Variants in YWHAZ observed in about 807,000 individuals in gnomAD.
The protein encoded by YWHAZ is tyrosine 3-monooxygenase/tryptophan 5-monooxygenase activation protein zeta.
For synonymous variants in YWHAZ, 87 were observed against 103.6 expected (o/e 0.84, Z 0.97); for missense variants, 79 against 284.8 (o/e 0.28, Z 5.20).
chr8:100,952,781 C>A (rs1199901799), upstream of YWHAZ: 3 of 999,472 alleles, frequency 3.0e-6, no homozygotes, highest in African/African-American at 5.2e-5. Context: ...CCCGCCGCTC[C>A]CCTTCCCCGG....
At chr8:100,947,202 C>T (rs572177522) in intron 2 of YWHAZ, among the ~76,000 whole-genome samples, 3 of 147,726 alleles carry the variant, frequency 2.0e-5, no homozygotes, top group South Asian at 4.2e-4. Flanking sequence ...TGCAGTGAGC[C>T]GAGATCGCGC....
Position 100,951,824 on chromosome 8 carries a change from C to G in YWHAZ, c.-12+105G>C, listed in dbSNP as rs903156144. ...CTCCGCCTCAGCCCGGCGCCGCCAC[C>G]GCGGGGCGAGTGGGGATGAGGGGAC... On this transcript the variant is annotated intron_variant, in intron 1 of 5. Transcript: ENST00000395958. The G allele has an allele frequency of 4.4e-5, 43 of 985,494 alleles. No homozygotes were observed. The South Asian group carries it at 6.5e-4, about 15-fold the overall frequency. The allele number at this position is 985,494 out of a possible 1,614,324, so 61.0% of individuals were successfully genotyped here. A position where few individuals can be genotyped will look rare whatever the true frequency, so the allele number is the denominator to read the frequency against.
rs1813111854 is a variant in YWHAZ, at chr8:100,922,682, C to A, written c.678+1273G>T. The A allele has an allele frequency of 6.6e-6, 1 of 152,276 alleles. No individual in the cohort carries two copies. The highest frequency in any genetic ancestry group is 1.5e-5 in the Non-Finnish European group (1 of 68,128). 9.4% of individuals were successfully genotyped at this position (152,276 alleles called of 1,614,324 possible). A position where few individuals can be genotyped will look rare whatever the true frequency, so the allele number is the denominator to read the frequency against. ...TACAGGCGTGAGCCACCACGCCCGG[C>A]CAACCCTGGTTTTCTTATTGCAATA... On this transcript the variant is annotated intron_variant, in intron 5 of 5. Coordinates refer to ENST00000395958, the MANE Select transcript of YWHAZ (RefSeq NM_145690.3). This position sits in a 1 kb window ranked among gnomAD's most constrained non-coding sequence, Gnocchi z 4.1.
Position 100,924,104 on chromosome 8 carries a change from T to C in YWHAZ, c.582+31A>G. 6.2e-7 allele frequency: 1 copy of C among 1,608,394 alleles called. No individual in the cohort carries two copies. Among genetic ancestry groups the C allele is most frequent in the Non-Finnish European group, 8.5e-7 (1 of 1,177,960 alleles). ...TCAGTGCTCAAATAATAAAGACTGC[T>C]AAATTTCTACGTAACAGGTAAAATA... On this transcript the variant is annotated intron_variant, in intron 4 of 5. Coordinates refer to ENST00000395958, the MANE Select transcript of YWHAZ (RefSeq NM_145690.3). The surrounding 1 kb of genome is among the most constrained non-coding windows in gnomAD (Gnocchi z 5.7).
chr8:100,941,327 A>C (rs576256201), intron 2 of YWHAZ, among the ~76,000 whole-genome samples: 2 of 152,354 alleles, frequency 1.3e-5, no homozygotes, highest in East Asian at 3.9e-4. Flanking sequence ...CTGAGTGTTC[A>C]TAAGTCTTGG....
chr8:100,946,151 T>A lies in YWHAZ; in HGVS notation c.294+2445A>T, dbSNP rs767020505. On this transcript the variant is annotated intron_variant, in intron 2 of 5. Coordinates refer to ENST00000395958, the MANE Select transcript of YWHAZ (RefSeq NM_145690.3). ...TAATAATCATAACAAGAAGAAACTA[T>A]TTATATGAAGAGATTATCTTGTTAT... 3.3e-5 allele frequency among the ~76,000 whole-genome samples: 5 copies of A among 152,290 alleles called. 1 individual carries two copies. In the South Asian group the frequency reaches 8.3e-4, roughly 25 times the overall value.
At chr8:100,934,405 G>A (rs1291434853) in intron 2 of YWHAZ, among the ~76,000 whole-genome samples, 1 of 150,866 alleles carries the variant, frequency 6.6e-6, no homozygotes, top group Non-Finnish European at 1.5e-5. Flanking sequence ...CAGACATTAA[G>A]AGTGAGGAGG....
intron 2 of YWHAZ, among the ~76,000 whole-genome samples, chr8:100,945,020 G>A (rs548627079): frequency 6.6e-6 from 1 of 152,204 alleles, no homozygotes; most frequent in East Asian, 1.9e-4. Context: ...CCAATTTTTG[G>A]CTGCCATCTT....
At chr8:100,940,741 G>A (rs1463260679) in intron 2 of YWHAZ, among the ~76,000 whole-genome samples, 1 of 152,208 alleles carries the variant, frequency 6.6e-6, no homozygotes. Context: ...GAGGTAGATA[G>A]TATTATTCCC....
chr8:100,920,891 GAT>G (rs1259050913), intron 5 of YWHAZ, 139 bp from the exon 6 acceptor site: 1 of 747,002 alleles, frequency 1.3e-6, no homozygotes, highest in East Asian at 2.6e-5. Context: ...TTAGCTTCAA[GAT>G]ACAAAAACAT....
chr8:100,933,930 G>T (rs1054847508), intron 2 of YWHAZ, among the ~76,000 whole-genome samples: 1 of 151,966 alleles, frequency 6.6e-6, no homozygotes, highest in Non-Finnish European at 1.5e-5. Flanking sequence ...GCCGAGGTGG[G>T]TGGATCACTT....
intron 2 of YWHAZ, among the ~76,000 whole-genome samples, chr8:100,943,573 C>T (rs1399700558): frequency 6.6e-6 from 1 of 152,182 alleles, no homozygotes; most frequent in Non-Finnish European, 1.5e-5. Context: ...TACACCTTTC[C>T]ATTCCCTTTC....
At chr8:100,931,795 T>C (rs1272944794) in intron 2 of YWHAZ, among the ~76,000 whole-genome samples, 1 of 152,142 alleles carries the variant, frequency 6.6e-6, no homozygotes, top group Non-Finnish European at 1.5e-5. Context: ...GCTTTAGTGC[T>C]CTTGTACTCT....
At chr8:100,951,472 CCCGCCG>C (rs558796339) in intron 1 of YWHAZ, 71 of 980,026 alleles carry the variant, frequency 7.2e-5, no homozygotes, top group Middle Eastern at 5.2e-4. Context: ...CACTGCGATG[CCCGCCG>C]CCGCCGCCGC....
In YWHAZ at chr8:100,918,408, T is replaced by TTATTTATATATATATATATATA; in HGVS notation, c.*2284_*2285insTATATATATATATATATAAATA. ...AGTCTAGCTATAAAATATAATTACT[T>TTATTTATATATATATATATATA]TATATATATATATATATATATATAT... On this transcript the variant is annotated 3_prime_UTR_variant, in exon 6 of 6. Transcript: ENST00000395958. The TTATTTATATATATATATATATA allele has an allele frequency of 2.4e-5, 1 of 41,888 alleles. No individual in the cohort carries two copies. Among genetic ancestry groups the TTATTTATATATATATATATATA allele is most frequent in the South Asian group, 1.3e-3 (1 of 796 alleles). The allele number at this position is 41,888 out of a possible 1,614,324, so 2.6% of individuals were successfully genotyped here.
At position 100,948,149 on chromosome 8, in the gene YWHAZ, A is replaced by G; in HGVS notation, c.294+447T>C. 1 of 1,533,880 alleles carries G rather than the reference A, an allele frequency of 6.5e-7. No homozygotes were observed. The highest frequency in any genetic ancestry group is 8.7e-7 in the Non-Finnish European group (1 of 1,146,332). On this transcript the variant is annotated intron_variant, in intron 2 of 5. Transcript: ENST00000395958. The surrounding 1 kb of genome is among the most constrained non-coding windows in gnomAD (Gnocchi z 4.2). ...GTTTTCTGCATGGTTGACTCATTAC[A>G]TTAACATTATAGCGGCTAATCCTGA...
Position 100,948,661 on chromosome 8 carries a change from G to C in YWHAZ, c.229C>G (p.Gln77Glu). 1 of 1,608,452 alleles carries C rather than the reference G, an allele frequency of 6.2e-7. No individual in the cohort carries two copies. Among genetic ancestry groups the C allele is most frequent in the Non-Finnish European group, 8.5e-7 (1 of 1,179,840 alleles). Residue 77 changes from glutamine (Q) to glutamate (E), a missense_variant, in exon 2 of 6, where the codon CAG becomes GAG. Physicochemically the swap from Gln to Glu is conservative, Grantham distance 29 (BLOSUM62 2). Coordinates refer to ENST00000395958, the MANE Select transcript of YWHAZ (RefSeq NM_145690.3). This position sits in a 1 kb window ranked among gnomAD's most constrained non-coding sequence, Gnocchi z 4.2. ...TTCTCTCTGTATTCTCGAGCCATCT[G>C]CTGTTTTTTCTCAGCACCTTCCGTC... Reference protein sequence around the residue: ...QKTEGAEKKQQMAREYREKIE... With the variant: ...QKTEGAEKKQEMAREYREKIE...
chr8:100,948,134 T>A lies in YWHAZ; in HGVS notation c.294+462A>T, dbSNP rs1453291872. 1 of 1,534,644 alleles carries A rather than the reference T, an allele frequency of 6.5e-7. No homozygotes were observed. The highest frequency in any genetic ancestry group is 2.0e-5 in the Admixed American group (1 of 50,604). ...AGTTGTGACGCCAGAGTTTTCTGCA[T>A]GGTTGACTCATTACATTAACATTAT... On this transcript the variant is annotated intron_variant, in intron 2 of 5. Transcript: ENST00000395958. The surrounding 1 kb of genome is among the most constrained non-coding windows in gnomAD (Gnocchi z 4.2).
At chr8:100,950,252 C>G (rs1044170124) in intron 1 of YWHAZ, among the ~76,000 whole-genome samples, 1 of 152,266 alleles carries the variant, frequency 6.6e-6, no homozygotes, top group East Asian at 1.9e-4. Flanking sequence ...ATTTCTGCTT[C>G]TAACAAAAAA....
Sources: gnomAD v4.1 joint callset for allele counts (sites outside exome capture counted in the v4.1 genomes callset) on GRCh38, gnomAD v4.1.1 for gene constraint, Gnocchi (gnomAD v3.1) non-coding constraint, MANE v1.5 for transcripts, NCBI Gene and HGNC (gene_info 2026-07-23, HGNC 2026-07-21) for gene names.